Variants in CPNE8 observed in about 807,000 individuals in gnomAD.
CPNE8 encodes copine 8.
A neutral mutation model predicts 81.5 loss-of-function variants in CPNE8; 45 were observed. The ratio of observed to expected loss-of-function variants is 0.55; its 90% confidence interval spans 0.44 to 0.71. CPNE8 has a LOEUF of 0.71. CPNE8 is among the 30% of genes least tolerant of loss of function. CPNE8 has a pLI of 0.00. For synonymous variants in CPNE8, 252 were observed against 226.3 expected (o/e 1.11, Z -1.02); for missense variants, 594 against 672.1 (o/e 0.88, Z 1.28).
intron 19 of CPNE8, among the ~76,000 whole-genome samples, chr12:38,657,648 G>T (rs532871337): frequency 6.6e-6 from 1 of 152,250 alleles, no homozygotes; most frequent in Non-Finnish European, 1.5e-5. Context: ...ACCTCATACA[G>T]CTGGGTGCCC....
At chr12:38,894,692 TC>T (rs1349215606) in intron 1 of CPNE8, among the ~76,000 whole-genome samples, 38 of 149,336 alleles carry the variant, frequency 2.5e-4, no homozygotes, top group African/African-American at 8.8e-4. Flanking sequence ...TCTCTCTCTC[TC>T]TCTCTCTCTC....
intron 7 of CPNE8, among the ~76,000 whole-genome samples, chr12:38,770,351 C>T (rs1941776468): frequency 6.6e-6 from 1 of 152,150 alleles, no homozygotes; most frequent in Non-Finnish European, 1.5e-5. Flanking sequence ...GCATCATTTA[C>T]CTCTAAAATT....
At chr12:38,900,941 CA>C (rs778176661) in intron 1 of CPNE8, among the ~76,000 whole-genome samples, 10 of 151,994 alleles carry the variant, frequency 6.6e-5, no homozygotes, top group African/African-American at 2.4e-4. Context: ...CAGTATTGGC[CA>C]GGGGGGCAGT....
intron 10 of CPNE8, among the ~76,000 whole-genome samples, chr12:38,760,435 G>GTATACATATATATATATATA (rs1941548522): frequency 7.9e-6 from 1 of 127,276 alleles, no homozygotes; most frequent in African/African-American, 3.5e-5. Context: ...TGTATGGTGT[G>GTATACATATATATATATATA]TATATATATA....
chr12:38,730,498 T>C (rs945325932), intron 10 of CPNE8, 140 bp from the exon 11 acceptor site: 2 of 473,610 alleles, frequency 4.2e-6, no homozygotes, highest in Admixed American at 3.7e-5. Context: ...TTACAAAATA[T>C]TTAAAAGGAC....
At chr12:38,819,766 C>CAA (rs71068584) in intron 6 of CPNE8, among the ~76,000 whole-genome samples, 1,742 of 63,644 alleles carry the variant, frequency 0.027, 71 homozygotes, top group Non-Finnish European at 0.038. Flanking sequence ...GACTCCGTCT[C>CAA]AAAAAAAAAA....
At chr12:38,700,643 T>C (rs1939917601) in intron 14 of CPNE8, among the ~76,000 whole-genome samples, 1 of 152,122 alleles carries the variant, frequency 6.6e-6, no homozygotes, top group South Asian at 2.1e-4. Flanking sequence ...TGTTTTCTTC[T>C]ATCGACAGGG....
intron 3 of CPNE8, among the ~76,000 whole-genome samples, chr12:38,849,840 T>A (rs1943618627): frequency 6.6e-6 from 1 of 152,212 alleles, no homozygotes; most frequent in African/African-American, 2.4e-5. Context: ...GTATTTACCT[T>A]GTTCCAAGCA....
chr12:38,689,026 T>A (rs921395580), intron 15 of CPNE8, among the ~76,000 whole-genome samples: 1 of 152,220 alleles, frequency 6.6e-6, no homozygotes, highest in African/African-American at 2.4e-5. Context: ...AATCAGTTAT[T>A]GCTTGTTAAA....
chr12:38,760,451 A>ATATATATATATATATATATGTG (rs749406707), intron 10 of CPNE8, among the ~76,000 whole-genome samples: 1 of 120,172 alleles, frequency 8.3e-6, no homozygotes, highest in South Asian at 2.6e-4. Flanking sequence ...ATATATATAT[A>ATATATATATATATATATATGTG]TGTGTGTGTA....
At chr12:38,701,589 G>A (rs1009278882) in intron 14 of CPNE8, among the ~76,000 whole-genome samples, 3 of 152,118 alleles carry the variant, frequency 2.0e-5, no homozygotes, top group African/African-American at 7.2e-5. Flanking sequence ...TACCTCTTGG[G>A]TTCAAGTGAT....
intron 6 of CPNE8, among the ~76,000 whole-genome samples, chr12:38,810,883 GA>G (rs1334035594): frequency 6.6e-6 from 1 of 152,060 alleles, no homozygotes; most frequent in African/African-American, 2.4e-5. Flanking sequence ...TTCCAGCCAG[GA>G]AAGGAAGATC....
At chr12:38,878,889 TAACTA>T (rs1944106515) in intron 1 of CPNE8, among the ~76,000 whole-genome samples, 2 of 152,126 alleles carry the variant, frequency 1.3e-5, no homozygotes, top group African/African-American at 4.8e-5. Context: ...TTTACAGAAA[TAACTA>T]AACAGCAATA....
At chr12:38,902,464 G>A (rs11169931) in intron 1 of CPNE8, among the ~76,000 whole-genome samples, 1 of 152,032 alleles carries the variant, frequency 6.6e-6, no homozygotes, top group Non-Finnish European at 1.5e-5. Flanking sequence ...GATAAAGAAT[G>A]AGAAAGAAAG....
Position 38,653,156 on chromosome 12 carries a change from A to C in CPNE8, c.*726T>G, listed in dbSNP as rs1331405921. The C allele has an allele frequency of 6.6e-6, 1 of 152,448 alleles. No individual in the cohort carries two copies. Among genetic ancestry groups the C allele is most frequent in the African/African-American group, 2.4e-5 (1 of 41,460 alleles). 9.4% of individuals were successfully genotyped at this position (152,448 alleles called of 1,614,324 possible). On this transcript the variant is annotated 3_prime_UTR_variant, in exon 20 of 20. Transcript: ENST00000331366. Reference sequence around the variant, plus strand: ...TTATAATTTCTACTTAGTGTTACAAAATACAAACCAACTGCAGTCTAAATT... The same window carrying C: ...TTATAATTTCTACTTAGTGTTACAACATACAAACCAACTGCAGTCTAAATT...
chr12:38,764,113 G>A (rs557762869), intron 8 of CPNE8, among the ~76,000 whole-genome samples: 9 of 152,258 alleles, frequency 5.9e-5, no homozygotes, highest in Non-Finnish European at 1.2e-4. Context: ...ATGGTCAAAT[G>A]TTCTCAGAGC....
Position 38,677,507 on chromosome 12 carries a change from A to G in CPNE8, c.1319T>C (p.Ile440Thr). 6.2e-7 allele frequency: 1 copy of G among 1,612,886 alleles called. No individual in the cohort carries two copies. Among genetic ancestry groups the G allele is most frequent in the Non-Finnish European group, 8.5e-7 (1 of 1,179,164 alleles). Residue 440 changes from isoleucine to threonine, a missense_variant, in exon 17 of 20, where the codon ATT (isoleucine) becomes ACT (threonine). Coordinates refer to ENST00000331366, the MANE Select transcript of CPNE8 (RefSeq NM_153634.3). ...ATCTGAGATAACACCATCTGTAACA[A>G]TCAGAAGCACAAAATACTGGGAGCC... ...KDGSQYFVLL[I>T]VTDGVISDMA...
chr12:38,902,424 A>AG (rs1944503964), intron 1 of CPNE8, among the ~76,000 whole-genome samples: 1 of 123,156 alleles, frequency 8.1e-6, no homozygotes, highest in South Asian at 2.1e-4. Context: ...AGAAAAAGAA[A>AG]GAAAGAAAGA....
intron 16 of CPNE8, 84 bp downstream of exon 16, chr12:38,685,406 G>A (rs1263098173): frequency 1.4e-6 from 2 of 1,423,556 alleles, no homozygotes; most frequent in Non-Finnish European, 1.9e-6. Context: ...CAACTTTCAT[G>A]TGTGGAGTCA....
Sources: gnomAD v4.1 joint callset for allele counts (sites outside exome capture counted in the v4.1 genomes callset) on GRCh38, gnomAD v4.1.1 for gene constraint, MANE v1.5 for transcripts, NCBI Gene and HGNC (gene_info 2026-07-23, HGNC 2026-07-21) for gene names.